The following SMIM13 variants were observed in gnomAD, a reference collection of about 807,000 sequenced individuals.
SMIM13 encodes small integral membrane protein 13.
In SMIM13, 3 loss-of-function variants were observed where a neutral mutation model predicts 5.9. That is an observed-to-expected ratio of 0.51 (90% CI 0.23 to 1.31). The LOEUF (loss-of-function observed/expected upper bound fraction) is 1.31, where lower values mean the gene tolerates loss of function less well. Among genes scored for constraint, SMIM13 ranks in the 40% most tolerant of loss-of-function variants. The pLI is 0.18. For synonymous variants in SMIM13, 55 were observed against 46.0 expected (o/e 1.19, Z -0.79); for missense variants, 85 against 109.9 (o/e 0.77, Z 1.01).
intron 1 of SMIM13, chr6:11,104,554 AGG>A: frequency 6.3e-7 from 1 of 1,599,604 alleles, no homozygotes; most frequent in Non-Finnish European, 8.5e-7. Context: ...ACTTGGACGC[AGG>A]GTGTTTGGCT....
intron 1 of SMIM13, among the ~76,000 whole-genome samples, chr6:11,121,246 C>A (rs553835822): frequency 2.6e-5 from 4 of 152,320 alleles, no homozygotes; most frequent in African/African-American, 9.6e-5. Context: ...TTTCTTCTTT[C>A]ACTCTCTACT....
At chr6:11,115,145 G>T (rs984384612) in intron 1 of SMIM13, among the ~76,000 whole-genome samples, 4 of 152,194 alleles carry the variant, frequency 2.6e-5, no homozygotes, top group Admixed American at 6.5e-5. Context: ...ACATGAGTTG[G>T]GTACTGTTCC....
At chr6:11,111,402 G>A (rs1377240785) in intron 1 of SMIM13, among the ~76,000 whole-genome samples, 1 of 152,216 alleles carries the variant, frequency 6.6e-6, no homozygotes, top group African/African-American at 2.4e-5. Context: ...CTACATGGTT[G>A]TAGGTTTTAG....
At chr6:11,101,573 G>C (rs1757991473) in intron 1 of SMIM13, among the ~76,000 whole-genome samples, 1 of 152,058 alleles carries the variant, frequency 6.6e-6, no homozygotes, top group South Asian at 2.1e-4. Flanking sequence ...GTTTTGGAGT[G>C]GGCCGATTGA....
At chr6:11,098,561 A>G (rs1308654142) in intron 1 of SMIM13, among the ~76,000 whole-genome samples, 1 of 152,176 alleles carries the variant, frequency 6.6e-6, no homozygotes, top group African/African-American at 2.4e-5. Context: ...CCTCCTGAGT[A>G]GCTGAGATTA....
intron 1 of SMIM13, among the ~76,000 whole-genome samples, chr6:11,116,759 T>C (rs935321761): frequency 7.2e-5 from 11 of 152,144 alleles, no homozygotes; most frequent in African/African-American, 2.4e-4. Flanking sequence ...TAAATTTTAT[T>C]GATCTTTTCC....
At chr6:11,117,084 G>A (rs1252037073) in intron 1 of SMIM13, among the ~76,000 whole-genome samples, 1 of 133,484 alleles carries the variant, frequency 7.5e-6, no homozygotes, top group Admixed American at 8.7e-5. Flanking sequence ...TCCACCTCCC[G>A]GGTTCAACTG....
intron 1 of SMIM13, among the ~76,000 whole-genome samples, chr6:11,128,083 A>G (rs1192506503): frequency 2.0e-5 from 3 of 152,192 alleles, no homozygotes; most frequent in African/African-American, 7.2e-5. Context: ...TTCCTTGAGT[A>G]AGAGTTTCTC....
chr6:11,124,009 T>C (rs921945385), intron 1 of SMIM13, among the ~76,000 whole-genome samples: 1 of 152,194 alleles, frequency 6.6e-6, no homozygotes, highest in African/African-American at 2.4e-5. Context: ...ATTATAATTC[T>C]TTTATTTTCT....
chr6:11,097,401 A>G (rs1757939513), intron 1 of SMIM13, among the ~76,000 whole-genome samples: 1 of 152,142 alleles, frequency 6.6e-6, no homozygotes, highest in African/African-American at 2.4e-5. Context: ...CATGCCTGTA[A>G]TCCCAGCCCT....
intron 1 of SMIM13, among the ~76,000 whole-genome samples, chr6:11,113,680 G>A (rs964188017): frequency 6.6e-5 from 10 of 151,692 alleles, no homozygotes; most frequent in Admixed American, 2.0e-4. Flanking sequence ...GGTTCAAAAG[G>A]TTGCCCTGTT....
intron 1 of SMIM13, among the ~76,000 whole-genome samples, chr6:11,130,253 TAAAAAAA>T (rs35012412): frequency 3.6e-5 from 5 of 140,164 alleles, no homozygotes; most frequent in South Asian, 2.4e-4. Flanking sequence ...GTAGTCATTG[TAAAAAAA>T]AAAAAAAAAC....
chr6:11,110,745 T>G (rs1758154578), intron 1 of SMIM13, among the ~76,000 whole-genome samples: 1 of 152,186 alleles, frequency 6.6e-6, no homozygotes, highest in African/African-American at 2.4e-5. Flanking sequence ...CCCTTGGATT[T>G]GAGAGGGCAA....
At chr6:11,094,772 G>C (rs1297223167) in intron 1 of SMIM13, among the ~76,000 whole-genome samples, 1 of 152,168 alleles carries the variant, frequency 6.6e-6, no homozygotes, top group Admixed American at 6.5e-5. Flanking sequence ...TTAATAATGA[G>C]AGGTGTCACC....
chr6:11,105,299 G>A, intron 1 of SMIM13: 1 of 1,612,824 alleles, frequency 6.2e-7, no homozygotes, highest in Non-Finnish European at 8.5e-7. Flanking sequence ...GAACCAGCAG[G>A]AGCAGGCCCA....
rs1237712438 is a variant in SMIM13 at position 11,134,601 on chromosome 6, A to G, written c.275A>G (p.Ter92TrpextTer7). 1 of 1,492,378 alleles carries G rather than the reference A, an allele frequency of 6.7e-7. No individual in the cohort carries two copies. 92.4% of individuals were successfully genotyped at this position (1,492,378 alleles called of 1,614,324 possible). ...PADEGHRPLT[*>W] ...GATGAAGGCCACAGACCCCTGACAT[A>G]GTCCTGTACTTGTGAAGGATGAAAA... The change falls in exon 2 of 2, where the codon TAG becomes TGG. Residue 92 changes from the stop codon to tryptophan (W), a stop_lost. Transcript: ENST00000416247.
At chr6:11,127,599 G>A (rs901426967) in intron 1 of SMIM13, among the ~76,000 whole-genome samples, 14 of 152,214 alleles carry the variant, frequency 9.2e-5, no homozygotes, top group African/African-American at 3.4e-4. Flanking sequence ...AGCAAGTCCT[G>A]TCTTACACGG....
intron 1 of SMIM13, among the ~76,000 whole-genome samples, chr6:11,134,179 C>T (rs964172700): frequency 3.3e-5 from 5 of 151,970 alleles, no homozygotes; most frequent in Non-Finnish European, 7.4e-5. Context: ...AGACTCAGCC[C>T]GAATTCTAAA....
intron 1 of SMIM13, among the ~76,000 whole-genome samples, chr6:11,131,896 GCAAA>G: frequency 6.6e-6 from 1 of 152,102 alleles, no homozygotes; most frequent in East Asian, 1.9e-4. Flanking sequence ...CAAAGTACAA[GCAAA>G]CAAAGGAAAA....
Sources: allele counts gnomAD v4.1 joint callset (sites outside exome capture counted in the v4.1 genomes callset), GRCh38; gene constraint gnomAD v4.1.1; transcripts MANE v1.5; gene names NCBI Gene and HGNC (gene_info 2026-07-23, HGNC 2026-07-21).